Variants in ZNF704 observed in about 807,000 individuals in gnomAD.
The protein encoded by ZNF704 is glucocorticoid induced gene 1.
A neutral mutation model predicts 44.7 loss-of-function variants in ZNF704; 10 were observed. That is an observed-to-expected ratio of 0.22 (90% CI 0.14 to 0.38). The LOEUF is 0.38. ZNF704 is among the 10% of genes least tolerant of loss of function. ZNF704 has a pLI of 1.00. For missense variants in ZNF704, 390 were observed against 545.5 expected (o/e 0.71, Z 2.84); for synonymous variants, 211 against 207.6 (o/e 1.02, Z -0.14).
At chr8:80,867,732 G>A (rs1809180784) in intron 1 of ZNF704, among the ~76,000 whole-genome samples, 1 of 152,134 alleles carries the variant, frequency 6.6e-6, no homozygotes, top group Non-Finnish European at 1.5e-5. Flanking sequence ...TCCTGCCAAA[G>A]GCTTCTTAAA....
At chr8:80,659,477 T>C (rs967037492) in intron 7 of ZNF704, 108 bp downstream of exon 7, 1 of 862,224 alleles carries the variant, frequency 1.2e-6, no homozygotes, top group African/African-American at 1.7e-5. Flanking sequence ...ATAGTACTTC[T>C]GGCATTCTGA....
chr8:80,819,965 T>C (rs1272230133), intron 2 of ZNF704, among the ~76,000 whole-genome samples: 1 of 152,218 alleles, frequency 6.6e-6, no homozygotes, highest in Non-Finnish European at 1.5e-5. Flanking sequence ...CATTTATTCC[T>C]CTTCCAAAGG....
chr8:80,860,659 T>C lies in ZNF704; in HGVS notation c.-22+13912A>G, dbSNP rs1809044712. The stretch of plus-strand genomic sequence containing the variant: ...CTCTCTCATTATGCTCCTTCCCTTA[T>C]TTCCTATGTTAGACAAGATCTTCTG... On this transcript the variant is annotated intron_variant, in intron 1 of 8. Transcript: ENST00000327835. Among the ~76,000 whole-genome samples the C allele has an allele frequency of 1.3e-5, 2 of 152,226 alleles. 1 individual carries two copies. Among genetic ancestry groups the C allele is most frequent in the South Asian group, 4.1e-4 (2 of 4,828 alleles).
Position 80,810,694 on chromosome 8 carries a change from T to C in ZNF704, c.221+10680A>G, listed in dbSNP as rs186286165. 3.4e-4 allele frequency among the ~76,000 whole-genome samples: 52 copies of C among 152,344 alleles called. 1 individual carries two copies. The highest frequency in any genetic ancestry group is 1.2e-3 in the African/African-American group (50 of 41,582). On this transcript the variant is annotated intron_variant, in intron 2 of 8. Coordinates refer to ENST00000327835, the MANE Select transcript of ZNF704 (RefSeq NM_001033723.3). ...GAACTGTGGTAATACCCATTTAACCTTCCTTTGATTTAGATGGAATTTAAA... is the reference window on the plus strand; with the variant it reads ...GAACTGTGGTAATACCCATTTAACCCTCCTTTGATTTAGATGGAATTTAAA...
At chr8:80,797,061 T>C (rs1477158015) in intron 2 of ZNF704, among the ~76,000 whole-genome samples, 26 of 147,856 alleles carry the variant, frequency 1.8e-4, no homozygotes, top group Admixed American at 1.7e-3. Flanking sequence ...GGCCCCAAGC[T>C]AGTCTGAAGC....
intron 5 of ZNF704, among the ~76,000 whole-genome samples, chr8:80,667,638 C>T (rs1295892243): frequency 2.0e-5 from 3 of 152,218 alleles, no homozygotes; most frequent in African/African-American, 7.2e-5. Context: ...TCATGTGTCA[C>T]TCCACACACA....
Position 80,631,679 on chromosome 8 carries a change from A to G in ZNF704, c.*9687T>C, listed in dbSNP as rs899705712. On this transcript the variant is annotated 3_prime_UTR_variant, in exon 9 of 9. Coordinates refer to ENST00000327835, the MANE Select transcript of ZNF704 (RefSeq NM_001033723.3). ...TTGAGGCACAGTGAAAGGATTAGCT[A>G]TCTGCCTTGTCATTCTTTACAGTGA... 1 of 152,360 alleles carries G rather than the reference A, an allele frequency of 6.6e-6. No homozygotes were observed. Among genetic ancestry groups the G allele is most frequent in the Non-Finnish European group, 1.5e-5 (1 of 68,048 alleles). 9.4% of individuals were successfully genotyped at this position (152,360 alleles called of 1,614,324 possible).
intron 2 of ZNF704, among the ~76,000 whole-genome samples, chr8:80,792,760 G>A (rs1586031059): frequency 6.6e-6 from 1 of 152,152 alleles, no homozygotes; most frequent in Non-Finnish European, 1.5e-5. Context: ...CCTAAGAACT[G>A]AGGACCTCAG....
intron 2 of ZNF704, chr8:80,749,742 C>A (rs1806909441): frequency 6.6e-6 from 1 of 152,644 alleles, no homozygotes; most frequent in South Asian, 2.1e-4. Context: ...CAGGGCTTGG[C>A]CCATAGTAAA....
chr8:80,807,432 G>T (rs150509522), intron 2 of ZNF704, among the ~76,000 whole-genome samples: 1 of 151,870 alleles, frequency 6.6e-6, no homozygotes, highest in Non-Finnish European at 1.5e-5. Flanking sequence ...TTTAAATAAT[G>T]AGGAAAAAAA....
chr8:80,742,023 G>A (rs1806766490), intron 2 of ZNF704, among the ~76,000 whole-genome samples: 1 of 152,178 alleles, frequency 6.6e-6, no homozygotes, highest in African/African-American at 2.4e-5. Context: ...GCAATATGGA[G>A]AGAAAGGGAA....
At chr8:80,821,738 T>C (rs917803222) in intron 1 of ZNF704, 123 bp from the exon 2 acceptor site, 3 of 714,324 alleles carry the variant, frequency 4.2e-6, no homozygotes, top group Non-Finnish European at 4.7e-6. Flanking sequence ...GATTGTATAA[T>C]TTTAATAAGA....
At chr8:80,657,639 G>A (rs199779993) in intron 7 of ZNF704, among the ~76,000 whole-genome samples, 37 of 150,916 alleles carry the variant, frequency 2.5e-4, no homozygotes, top group African/African-American at 7.3e-4. Flanking sequence ...GCAGTGAGCC[G>A]TGATGGCACC....
intron 2 of ZNF704, among the ~76,000 whole-genome samples, chr8:80,743,214 A>G (rs1262619366): frequency 6.6e-6 from 1 of 151,094 alleles, no homozygotes. Context: ...AAAAAAAAAA[A>G]AATCTCCTAT....
intron 2 of ZNF704, among the ~76,000 whole-genome samples, chr8:80,697,694 A>G (rs1028659207): frequency 2.0e-5 from 3 of 152,248 alleles, no homozygotes; most frequent in Admixed American, 1.3e-4. Flanking sequence ...TGAGAAAAGT[A>G]TATGAGCACC....
Position 80,640,829 on chromosome 8 carries a change from G to C in ZNF704, c.*537C>G, listed in dbSNP as rs1013935535. On this transcript the variant is annotated 3_prime_UTR_variant, in exon 9 of 9. Transcript: ENST00000327835. ...AAAAGCCATAGAAAAGATGCCCAGA[G>C]TGCTGCGCTGTCTTGCAACACATCC... is the stretch of plus-strand genomic sequence containing the variant. 10 of 152,428 alleles carry C rather than the reference G, an allele frequency of 6.6e-5. No homozygotes were observed. The highest frequency in any genetic ancestry group is 2.4e-4 in the African/African-American group (10 of 41,412). The allele number at this position is 152,428 out of a possible 1,614,324, so 9.4% of individuals were successfully genotyped here.
chr8:80,670,488 A>G lies in ZNF704; in HGVS notation c.659+15T>C. ...GCAGATGGGGGCTGCATCCCTGAAG[A>G]GAGAGCTGCCTTACCCCAGATGGAT... On this transcript the variant is annotated intron_variant, in intron 5 of 8. Transcript: ENST00000327835. 6.2e-7 allele frequency: 1 copy of G among 1,602,220 alleles called. No homozygotes were observed. Among genetic ancestry groups the G allele is most frequent in the Non-Finnish European group, 8.6e-7 (1 of 1,169,442 alleles).
chr8:80,804,247 A>T (rs756698115), intron 2 of ZNF704, among the ~76,000 whole-genome samples: 2 of 152,202 alleles, frequency 1.3e-5, no homozygotes, highest in African/African-American at 4.8e-5. Flanking sequence ...TAGTTAAACC[A>T]TGGTGGAAGA....
At chr8:80,779,481 C>T (rs989836237) in intron 2 of ZNF704, among the ~76,000 whole-genome samples, 2 of 151,306 alleles carry the variant, frequency 1.3e-5, no homozygotes, top group Non-Finnish European at 2.9e-5. Context: ...AGATGAGGCT[C>T]ATCTTATTGG....
Sources: allele counts gnomAD v4.1 joint callset (sites outside exome capture counted in the v4.1 genomes callset), GRCh38; gene constraint gnomAD v4.1.1; transcripts MANE v1.5; gene names NCBI Gene and HGNC (gene_info 2026-07-23, HGNC 2026-07-21).